NEDD9: variants seen among roughly 807,000 people sequenced by gnomAD.
The protein encoded by NEDD9 is enhancer of filamentation 1.
A neutral mutation model predicts 76.6 loss-of-function variants in NEDD9; 26 were observed. That is an observed-to-expected ratio of 0.34 (90% confidence interval 0.25 to 0.47). NEDD9 has a LOEUF of 0.47. Ranked by LOEUF, NEDD9 falls within the 20% of genes least tolerant of loss-of-function variation. The pLI is 1.00. For synonymous variants in NEDD9, 392 were observed against 414.2 expected, an observed-to-expected ratio of 0.95 and a Z score of 0.65; for missense variants, 937 against 1,058.5, an observed-to-expected ratio of 0.89 and a Z score of 1.59.
At chr6:11,312,139 A>T (rs536710364) in intron 2 of NEDD9, among the ~76,000 whole-genome samples, 1 of 151,988 alleles carries the variant, frequency 6.6e-6, no homozygotes, top group East Asian at 1.9e-4. Flanking sequence ...CAGCCCAAGC[A>T]TTCTCTCCAG....
At chr6:11,189,921 C>T (rs756972241) in intron 5 of NEDD9, 43 bp downstream of exon 5, 1 of 1,501,496 alleles carries the variant, frequency 6.7e-7, no homozygotes, top group South Asian at 1.4e-5. Flanking sequence ...AGGCTCCCTG[C>T]ATGTGAGTGA....
chr6:11,251,899 T>G (rs1323860128), intron 3 of NEDD9, among the ~76,000 whole-genome samples: 1 of 152,206 alleles, frequency 6.6e-6, no homozygotes, highest in East Asian at 1.9e-4. Context: ...CTGGGGATTC[T>G]GTGCTGCTTC....
intron 1 of NEDD9, among the ~76,000 whole-genome samples, chr6:11,371,175 A>G (rs900910979): frequency 2.0e-5 from 3 of 152,158 alleles, no homozygotes; most frequent in African/African-American, 7.2e-5. Context: ...GAGATTTCCC[A>G]TATACCTCCT....
intron 5 of NEDD9, among the ~76,000 whole-genome samples, chr6:11,189,225 G>GT (rs1758063998): frequency 6.6e-6 from 1 of 152,174 alleles, no homozygotes; most frequent in Non-Finnish European, 1.5e-5. Flanking sequence ...GATTACAGGC[G>GT]TGAGCCACTG....
chr6:11,192,999 T>C (rs1337658195), intron 3 of NEDD9, among the ~76,000 whole-genome samples: 1 of 140,996 alleles, frequency 7.1e-6, no homozygotes, highest in Non-Finnish European at 1.5e-5. Context: ...TACTTTAAAG[T>C]GTAGTTTAAA....
At chr6:11,271,941 A>G (rs1760315969) in intron 3 of NEDD9, 1 of 152,138 alleles carries the variant, frequency 6.6e-6, no homozygotes, top group Admixed American at 6.5e-5. Flanking sequence ...GTATTGAAAA[A>G]CCACAATAAG....
intron 3 of NEDD9, among the ~76,000 whole-genome samples, chr6:11,277,310 T>G (rs2113351688): frequency 1.3e-5 from 2 of 152,300 alleles, no homozygotes; most frequent in Middle Eastern, 3.4e-3. Flanking sequence ...CAGCCAAGAA[T>G]GGCTACTTAA....
At chr6:11,367,511 A>T (rs941130046) in intron 1 of NEDD9, among the ~76,000 whole-genome samples, 3 of 152,228 alleles carry the variant, frequency 2.0e-5, no homozygotes, top group Non-Finnish European at 2.9e-5. Context: ...AAAATGGATC[A>T]CTAGTCTAGA....
At chr6:11,263,809 G>A (rs1050500675) in intron 3 of NEDD9, among the ~76,000 whole-genome samples, 4 of 152,130 alleles carry the variant, frequency 2.6e-5, no homozygotes, top group African/African-American at 9.7e-5. Flanking sequence ...AAGGAAGTTT[G>A]TTCTTAGTCC....
chr6:11,192,267 A>ACCCCCC, intron 4 of NEDD9, 78 bp downstream of exon 4: 1 of 179,100 alleles, frequency 5.6e-6, no homozygotes, highest in South Asian at 5.0e-5. Flanking sequence ...CTACTTACCC[A>ACCCCCC]CCCTCCCAAC....
chr6:11,355,178 T>C (rs1309060442), intron 1 of NEDD9, among the ~76,000 whole-genome samples: 2 of 152,122 alleles, frequency 1.3e-5, no homozygotes, highest in African/African-American at 2.4e-5. Context: ...AGAGGAGACA[T>C]GGACACAGGA....
intron 3 of NEDD9, among the ~76,000 whole-genome samples, chr6:11,238,337 C>T (rs1759649373): frequency 6.6e-6 from 1 of 152,206 alleles, no homozygotes; most frequent in Non-Finnish European, 1.5e-5. Flanking sequence ...GTCTGTGTGG[C>T]CCTGACCATG....
chr6:11,287,882 T>C (rs1760684461), intron 3 of NEDD9, among the ~76,000 whole-genome samples: 1 of 152,224 alleles, frequency 6.6e-6, no homozygotes, highest in Non-Finnish European at 1.5e-5. Flanking sequence ...CTTTATCACC[T>C]AACAATTACT....
chr6:11,192,267 ACCCT>A, intron 4 of NEDD9, 74 bp downstream of exon 4: 1 of 179,100 alleles, frequency 5.6e-6, no homozygotes. Flanking sequence ...CTACTTACCC[ACCCT>A]CCCAACCCTG....
chr6:11,379,128 C>A (rs568825878), intron 1 of NEDD9, among the ~76,000 whole-genome samples: 34 of 152,336 alleles, frequency 2.2e-4, no homozygotes, highest in Non-Finnish European at 4.0e-4. Context: ...GTGGCACAGG[C>A]CAGGCAGGCC....
chr6:11,293,232 A>C (rs1760817888), intron 3 of NEDD9, among the ~76,000 whole-genome samples: 1 of 151,638 alleles, frequency 6.6e-6, no homozygotes. Flanking sequence ...ACAGTCCAAT[A>C]AGATGGGTAT....
chr6:11,331,324 G>C (rs1158538805), intron 2 of NEDD9, among the ~76,000 whole-genome samples: 1 of 142,108 alleles, frequency 7.0e-6, no homozygotes, highest in Non-Finnish European at 1.5e-5. Flanking sequence ...ATAGATAGTT[G>C]TGAGCATTTA....
chr6:11,360,372 A>G (rs2113550794), intron 1 of NEDD9, among the ~76,000 whole-genome samples: 1 of 152,330 alleles, frequency 6.6e-6, no homozygotes, highest in South Asian at 2.1e-4. Context: ...TGAATAACCC[A>G]CACACAGGTG....
At chr6:11,374,182 A>T (rs1762933475) in intron 1 of NEDD9, among the ~76,000 whole-genome samples, 1 of 152,022 alleles carries the variant, frequency 6.6e-6, no homozygotes, top group African/African-American at 2.4e-5. Flanking sequence ...AATATATGTC[A>T]TTTGCCAGGG....
Sources: gnomAD v4.1 joint callset for allele counts (sites outside exome capture counted in the v4.1 genomes callset) on GRCh38, gnomAD v4.1.1 for gene constraint, MANE v1.5 for transcripts, NCBI Gene and HGNC (gene_info 2026-07-23, HGNC 2026-07-21) for gene names.